Variants in ZDHHC21 observed in about 807,000 individuals in gnomAD.
ZDHHC21 encodes the protein zDHHC palmitoyltransferase 21.
Under a neutral mutation model 34.6 loss-of-function variants are expected in ZDHHC21, and 15 were observed. The observed-to-expected ratio is 0.43, with a 90% CI of 0.29 to 0.67. The LOEUF is 0.67. Ranked by LOEUF, ZDHHC21 falls within the 30% of genes least tolerant of loss-of-function variation. The probability of loss-of-function intolerance (pLI) is 0.14; values close to 1 mark genes in which losing one functional copy is unlikely to be tolerated. For missense variants in ZDHHC21, 344 were observed against 327.7 expected (o/e 1.05, Z -0.38); for synonymous variants, 142 against 101.8 (o/e 1.40, Z -2.38).
chr9:14,602,818 G>C, the ZDHHC21 span, among the ~76,000 whole-genome samples: 16,765 of 151,772 alleles, frequency 0.11, 1,304 homozygotes, highest in South Asian at 0.31. Flanking sequence ...AGCCACTCGG[G>C]AGGCTGAGGC....
intron 7 of ZDHHC21, among the ~76,000 whole-genome samples, chr9:14,656,951 A>G (rs1832347325): frequency 6.6e-6 from 1 of 151,932 alleles, no homozygotes; most frequent in East Asian, 1.9e-4. Flanking sequence ...AACATTTACT[A>G]TGCTGCTGAT....
At chr9:14,596,244 A>G in the ZDHHC21 span, among the ~76,000 whole-genome samples, 1 of 152,244 alleles carries the variant, frequency 6.6e-6, no homozygotes, top group Non-Finnish European at 1.5e-5. Flanking sequence ...AAAATGGAAC[A>G]GCAGAATGAG....
At chr9:14,661,179 GCT>G (rs1833327966) in intron 6 of ZDHHC21, among the ~76,000 whole-genome samples, 1 of 152,036 alleles carries the variant, frequency 6.6e-6, no homozygotes, top group Non-Finnish European at 1.5e-5. Context: ...TATCGAAAAT[GCT>G]CTTACTTTTT....
intron 7 of ZDHHC21, among the ~76,000 whole-genome samples, chr9:14,642,416 A>C: frequency 6.6e-6 from 1 of 152,224 alleles, no homozygotes; most frequent in East Asian, 1.9e-4. Flanking sequence ...CCCATTTGCT[A>C]TCCGAGATCT....
chr9:14,667,651 C>G (rs1424671035), intron 5 of ZDHHC21, among the ~76,000 whole-genome samples: 2 of 91,162 alleles, frequency 2.2e-5, no homozygotes, highest in Non-Finnish European at 4.3e-5. Context: ...GCTTATCCAC[C>G]ATGATCAAGT....
At chr9:14,676,543 A>C (rs922285333) in intron 3 of ZDHHC21, among the ~76,000 whole-genome samples, 5 of 152,170 alleles carry the variant, frequency 3.3e-5, no homozygotes, top group African/African-American at 9.6e-5. Flanking sequence ...CTCAAATGTA[A>C]TACCACTTAA....
At chr9:14,662,160 A>G in intron 6 of ZDHHC21, 55 bp downstream of exon 6, 1 of 1,322,900 alleles carries the variant, frequency 7.6e-7, no homozygotes, top group South Asian at 1.4e-5. Flanking sequence ...AAGTTGTAAG[A>G]TTTACATTTT....
At chr9:14,656,424 T>G (rs1032920610) in intron 7 of ZDHHC21, among the ~76,000 whole-genome samples, 1 of 151,926 alleles carries the variant, frequency 6.6e-6, no homozygotes, top group Non-Finnish European at 1.5e-5. Flanking sequence ...CTTGATAATA[T>G]GTATGAATTA....
intron 5 of ZDHHC21, among the ~76,000 whole-genome samples, chr9:14,668,629 G>C (rs1417266169): frequency 6.6e-6 from 1 of 151,640 alleles, no homozygotes; most frequent in Non-Finnish European, 1.5e-5. Context: ...AACCAAAACA[G>C]CATGGTACTG....
At chr9:14,648,126 C>T (rs553047309) in intron 7 of ZDHHC21, among the ~76,000 whole-genome samples, 1 of 152,190 alleles carries the variant, frequency 6.6e-6, no homozygotes, top group Non-Finnish European at 1.5e-5. Context: ...ATATCCTTGA[C>T]GTTTCGCATT....
intron 1 of ZDHHC21, 37 bp downstream of exon 1, chr9:14,693,192 G>A (rs1839439502): frequency 3.0e-6 from 1 of 336,468 alleles, no homozygotes; most frequent in South Asian, 2.2e-5. Flanking sequence ...GGATGGGGGT[G>A]GGGGCGGCCG....
chr9:14,623,821 G>A (rs112987503), intron 8 of ZDHHC21, among the ~76,000 whole-genome samples: 28 of 152,108 alleles, frequency 1.8e-4, no homozygotes, highest in Admixed American at 6.5e-4. Flanking sequence ...TTATCCCAGG[G>A]TATTATCAAA....
the ZDHHC21 span, among the ~76,000 whole-genome samples, chr9:14,590,266 CTT>C: frequency 6.6e-6 from 1 of 151,912 alleles, no homozygotes; most frequent in African/African-American, 2.4e-5. Flanking sequence ...GAAAAAAAGC[CTT>C]GGAAAATATG....
At chr9:14,648,444 T>G (rs774770604) in intron 7 of ZDHHC21, among the ~76,000 whole-genome samples, 2 of 152,008 alleles carry the variant, frequency 1.3e-5, no homozygotes, top group Non-Finnish European at 2.9e-5. Flanking sequence ...TACTCTCAAC[T>G]CATCATCTCC....
intron 6 of ZDHHC21, among the ~76,000 whole-genome samples, chr9:14,659,221 G>C (rs369774430): frequency 1.3e-5 from 2 of 152,122 alleles, no homozygotes; most frequent in Non-Finnish European, 2.9e-5. Flanking sequence ...AGGATGTAGA[G>C]TTAGAAGACA....
At chr9:14,643,987 G>C (rs1227400259) in intron 7 of ZDHHC21, among the ~76,000 whole-genome samples, 2 of 152,092 alleles carry the variant, frequency 1.3e-5, no homozygotes. Flanking sequence ...CAGATAATTT[G>C]TATTTGCATA....
chr9:14,613,636 G>C lies in ZDHHC21; in HGVS notation c.*5330C>G, dbSNP rs956004499. The C allele has an allele frequency of 7.3e-5, 11 of 151,722 alleles. No homozygotes were observed. Among genetic ancestry groups the C allele is most frequent in the African/African-American group, 2.7e-4 (11 of 41,374 alleles). The allele number at this position is 151,722 out of a possible 1,614,324, so 9.4% of individuals were successfully genotyped here. On this transcript the variant is annotated 3_prime_UTR_variant, in exon 10 of 10. Transcript: ENST00000380916. ...ATCAGTGTTGAACTGTTATAAGAAC[G>C]ACATTACATGTTACAGATATTCAAA...
chr9:14,626,288 G>C (rs1387674862), intron 8 of ZDHHC21, among the ~76,000 whole-genome samples: 2 of 151,806 alleles, frequency 1.3e-5, no homozygotes, highest in African/African-American at 4.8e-5. Context: ...ACTGCTTTCT[G>C]CAGTCCTATG....
In ZDHHC21 at chr9:14,616,076, A is replaced by T. The variant is rs1310650130; in HGVS notation, c.*2890T>A. ...ACAAAGAATCATTAATCTCTTAGTT[A>T]TTTTAAGGCAATAGAGCCAGTAAAA... On this transcript the variant is annotated 3_prime_UTR_variant, in exon 10 of 10. Coordinates refer to ENST00000380916, the MANE Select transcript of ZDHHC21 (RefSeq NM_178566.6). 1 of 151,798 alleles carries T rather than the reference A, an allele frequency of 6.6e-6. No homozygotes were observed. Among genetic ancestry groups the T allele is most frequent in the Non-Finnish European group, 1.5e-5 (1 of 67,732 alleles). The allele number at this position is 151,798 out of a possible 1,614,324, so 9.4% of individuals were successfully genotyped here.
Sources: allele counts gnomAD v4.1 joint callset (sites outside exome capture counted in the v4.1 genomes callset), GRCh38; gene constraint gnomAD v4.1.1; transcripts MANE v1.5; gene names NCBI Gene and HGNC (gene_info 2026-07-23, HGNC 2026-07-21).